IPPK: variants seen among roughly 807,000 people sequenced by gnomAD.
The protein encoded by IPPK is IPK1 homolog.
IPPK carries 22 observed loss-of-function variants against 64.6 expected under a neutral mutation model. The ratio of observed to expected loss-of-function variants is 0.34; its 90% CI spans 0.24 to 0.49. IPPK has a LOEUF of 0.49. IPPK is among the 20% of genes least tolerant of loss of function. IPPK has a pLI of 0.99. For synonymous variants in IPPK, 262 were observed against 247.2 expected, an observed-to-expected ratio of 1.06 and a Z score of -0.56; for missense variants, 532 against 630.7, an observed-to-expected ratio of 0.84 and a Z score of 1.68.
chr9:92,642,700 C>A, intron 7 of IPPK, 52 bp downstream of exon 7: 1 of 1,535,798 alleles, frequency 6.5e-7, no homozygotes, highest in Non-Finnish European at 9.0e-7. Context: ...CCCCGCCCTA[C>A]CCATCTCCAG....
chr9:92,617,785 G>A (rs535333534), intron 12 of IPPK: 30 of 178,168 alleles, frequency 1.7e-4, no homozygotes, highest in Non-Finnish European at 3.2e-4. Flanking sequence ...GGTTTAGGCC[G>A]GGAAGCTGTG....
At chr9:92,655,127 C>T (rs918011651) in intron 3 of IPPK, among the ~76,000 whole-genome samples, 1 of 152,236 alleles carries the variant, frequency 6.6e-6, no homozygotes, top group South Asian at 2.1e-4. Flanking sequence ...GTGTGGCTGT[C>T]CCTGGCTCTG....
At chr9:92,619,804 G>A (rs1851569079) in intron 11 of IPPK, 4 of 544,288 alleles carry the variant, frequency 7.3e-6, no homozygotes, top group East Asian at 3.0e-5. Flanking sequence ...GACCTCTCAC[G>A]GCAAGCAGTG....
intron 7 of IPPK, among the ~76,000 whole-genome samples, chr9:92,642,363 T>C (rs576888100): frequency 1.3e-5 from 2 of 152,268 alleles, no homozygotes; most frequent in African/African-American, 2.4e-5. Context: ...GGGGCAGAAA[T>C]AGCCACTGCA....
At chr9:92,619,400 G>A in intron 12 of IPPK, 86 bp downstream of exon 12, 1 of 1,122,512 alleles carries the variant, frequency 8.9e-7, no homozygotes. Flanking sequence ...TAAATATGGG[G>A]AAACCAACTA....
chr9:92,656,356 C>T (rs1852372295), intron 3 of IPPK, 100 bp downstream of exon 3: 4 of 773,322 alleles, frequency 5.2e-6, no homozygotes, highest in Non-Finnish European at 9.3e-6. Context: ...TAGCTGGACG[C>T]GGGTTATCAT....
intron 11 of IPPK, among the ~76,000 whole-genome samples, chr9:92,626,213 C>T (rs1051414438): frequency 1.4e-4 from 21 of 151,952 alleles, no homozygotes; most frequent in Admixed American, 1.3e-3. Flanking sequence ...CTGACTAACA[C>T]GGCGAAACCC....
rs138686834 is a variant in IPPK at position 92,614,615 on chromosome 9, A to ACAAT, written c.*1213_*1216dup. 16 of 152,818 alleles carry ACAAT rather than the reference A, an allele frequency of 1.0e-4. No homozygotes were observed. The highest frequency in any genetic ancestry group is 9.1e-4 in the Admixed American group (14 of 15,310). 9.5% of individuals were successfully genotyped at this position (152,818 alleles called of 1,614,324 possible). On this transcript the variant is annotated 3_prime_UTR_variant, in exon 13 of 13. Transcript: ENST00000287996. ...ATCACAAAATTTCCCACAAAAATTTACAATCAGCAAAATAGTTTCCTTATT... is the reference window on the plus strand; with the variant it reads ...ATCACAAAATTTCCCACAAAAATTTACAATCAATCAGCAAAATAGTTTCCTTATT...
At chr9:92,640,383 C>T (rs1178141883) in intron 8 of IPPK, among the ~76,000 whole-genome samples, 1 of 150,362 alleles carries the variant, frequency 6.7e-6, no homozygotes, top group African/African-American at 2.5e-5. Context: ...GCCATCCTCA[C>T]CCACAGTTCA....
At chr9:92,616,423 G>A (rs111515061) in intron 12 of IPPK, 339 of 187,022 alleles carry the variant, frequency 1.8e-3, no homozygotes, top group African/African-American at 7.5e-3. Flanking sequence ...CCCCAGCCCA[G>A]TGGTATAAAC....
At chr9:92,625,288 T>G (rs1851714231) in intron 11 of IPPK, among the ~76,000 whole-genome samples, 1 of 152,222 alleles carries the variant, frequency 6.6e-6, no homozygotes, top group South Asian at 2.1e-4. Flanking sequence ...CTTCAACTGT[T>G]GCAAGAAGAA....
At chr9:92,656,234 G>A (rs998244970) in intron 3 of IPPK, among the ~76,000 whole-genome samples, 11 of 152,154 alleles carry the variant, frequency 7.2e-5, no homozygotes, top group African/African-American at 2.2e-4. Flanking sequence ...GGGCCCTGGA[G>A]AACAGGGGTT....
At chr9:92,632,136 G>C (rs1435777427) in intron 11 of IPPK, among the ~76,000 whole-genome samples, 1 of 152,168 alleles carries the variant, frequency 6.6e-6, no homozygotes, top group Non-Finnish European at 1.5e-5. Flanking sequence ...AAAGACATGT[G>C]GGTGGTTTCC....
intron 11 of IPPK, 68 bp downstream of exon 11, chr9:92,634,311 TACAAAAA>T (rs1851897808): frequency 1.9e-6 from 2 of 1,066,326 alleles, no homozygotes; most frequent in Non-Finnish European, 1.4e-6. Flanking sequence ...GAAAAAAAAA[TACAAAAA>T]ACAAAAAAAC....
chr9:92,663,633 A>G (rs375384671), intron 1 of IPPK, among the ~76,000 whole-genome samples: 61 of 152,340 alleles, frequency 4.0e-4, no homozygotes, highest in African/African-American at 1.4e-3. Context: ...ACCCCAATAC[A>G]TTAAAAGGGA....
At position 92,642,925 on chromosome 9, in the gene IPPK, TGC is replaced by T. The variant is rs1852080852; in HGVS notation, c.505-117_505-116del. 6 of 875,820 alleles carry T rather than the reference TGC, an allele frequency of 6.9e-6. No homozygotes were observed. The South Asian group carries it at 8.4e-5, about 12-fold the overall frequency. 54.3% of individuals were successfully genotyped at this position (875,820 alleles called of 1,614,324 possible). A position where few individuals can be genotyped will look rare whatever the true frequency, so the allele number is the denominator to read the frequency against. On this transcript the variant is annotated intron_variant, in intron 6 of 12. Coordinates refer to ENST00000287996, the MANE Select transcript of IPPK (RefSeq NM_022755.6). Reference sequence around the variant, plus strand: ...AGACAATGAAGACGAGCTGCAGCCTTGCCCCGGAAAAGGTGCCACCACCTTTG... The same window carrying T: ...AGACAATGAAGACGAGCTGCAGCCTTCCCGGAAAAGGTGCCACCACCTTTG...
chr9:92,662,953 C>T (rs902275402), intron 1 of IPPK, among the ~76,000 whole-genome samples: 2 of 152,204 alleles, frequency 1.3e-5, no homozygotes, highest in East Asian at 3.9e-4. Flanking sequence ...GCCTGAGCAT[C>T]AGAAGTCCAA....
chr9:92,623,183 G>A lies in IPPK; in HGVS notation c.1171-3618C>T, dbSNP rs1302312047. Among the ~76,000 whole-genome samples the A allele has an allele frequency of 2.0e-5, 3 of 151,932 alleles. No individual in the cohort carries two copies. The South Asian group carries it at 6.2e-4, about 32-fold the overall frequency. ...GGCACAATGACTCACACCTGTAATCGCAGCACTTTGGGAGGCCGAGGCAAG... is the reference window on the plus strand; with the variant it reads ...GGCACAATGACTCACACCTGTAATCACAGCACTTTGGGAGGCCGAGGCAAG... On this transcript the variant is annotated intron_variant, in intron 11 of 12. Coordinates refer to ENST00000287996, the MANE Select transcript of IPPK (RefSeq NM_022755.6).
intron 1 of IPPK, among the ~76,000 whole-genome samples, chr9:92,663,405 T>C (rs1852527765): frequency 6.6e-6 from 1 of 152,290 alleles, no homozygotes; most frequent in East Asian, 1.9e-4. Flanking sequence ...GGCAACAACA[T>C]CACCTAACAA....
Sources: gnomAD v4.1 joint callset for allele counts (sites outside exome capture counted in the v4.1 genomes callset) on GRCh38, gnomAD v4.1.1 for gene constraint, MANE v1.5 for transcripts, NCBI Gene and HGNC (gene_info 2026-07-23, HGNC 2026-07-21) for gene names.